RASA1: variants seen among roughly 807,000 people sequenced by gnomAD.
The protein encoded by RASA1 is ras GTPase-activating protein 1.
Under a neutral mutation model 132.2 loss-of-function variants are expected in RASA1, and 25 were observed. That is an observed-to-expected ratio of 0.19 (90% confidence interval 0.14 to 0.26). The LOEUF is 0.26. RASA1 is among the 10% of genes least tolerant of loss of function. The pLI, the probability that RASA1 is intolerant of heterozygous loss-of-function variation, is 1.00. For missense variants in RASA1, 964 were observed against 1,299.2 expected, an observed-to-expected ratio of 0.74 and a Z score of 3.97; for synonymous variants, 477 against 449.9, an observed-to-expected ratio of 1.06 and a Z score of -0.76.
Position 87,386,746 on chromosome 5 carries a change from GTAATTACTTTTGCACCAACCTAA to G in RASA1, c.2848-77_2848-55del. On this transcript the variant is annotated intron_variant, in intron 22 of 24. Transcript: ENST00000274376. ...GTAATTGCAGTTTTTGCTGTTAACTGTAATTACTTTTGCACCAACCTAATAGATCAAACAGTGGTTTGTTTCTG... is the reference window on the plus strand; with the variant it reads ...GTAATTGCAGTTTTTGCTGTTAACTGTAGATCAAACAGTGGTTTGTTTCTG... 5 of 1,263,440 alleles carry G rather than the reference GTAATTACTTTTGCACCAACCTAA, an allele frequency of 4.0e-6. No individual in the cohort carries two copies. In the South Asian group the frequency reaches 6.0e-5, roughly 15 times the overall value. The allele number at this position is 1,263,440 out of a possible 1,614,324, so 78.3% of individuals were successfully genotyped here.
intron 1 of RASA1, among the ~76,000 whole-genome samples, chr5:87,302,581 ATATACTATAGTATACTATACTG>A (rs1046716113): frequency 6.6e-6 from 1 of 150,898 alleles, no homozygotes; most frequent in African/African-American, 2.4e-5. Context: ...ATAGTATTCT[ATATACTATAGTATACTATACTG>A]TATAGTATAG....
At chr5:87,363,619 C>T (rs1025898664) in intron 11 of RASA1, 115 bp downstream of exon 11, 1 of 1,198,578 alleles carries the variant, frequency 8.3e-7, no homozygotes, top group South Asian at 1.3e-5. Context: ...AGCAGATGCA[C>T]TTTCTAGGTA....
At chr5:87,306,682 T>C (rs1755628881) in intron 1 of RASA1, among the ~76,000 whole-genome samples, 1 of 151,800 alleles carries the variant, frequency 6.6e-6, no homozygotes, top group Non-Finnish European at 1.5e-5. Flanking sequence ...AGATGTGGCC[T>C]TTTTTTTAAG....
intron 5 of RASA1, among the ~76,000 whole-genome samples, chr5:87,338,881 G>A (rs765943319): frequency 6.6e-6 from 1 of 151,602 alleles, no homozygotes; most frequent in Non-Finnish European, 1.5e-5. Context: ...TTTGAATCTC[G>A]TCCTTGTTTT....
chr5:87,342,303 C>T (rs941922531), intron 6 of RASA1, among the ~76,000 whole-genome samples: 3 of 151,754 alleles, frequency 2.0e-5, no homozygotes, highest in Admixed American at 6.6e-5. Context: ...GGACCACCGG[C>T]GCACAACACC....
At position 87,268,687 on chromosome 5, in the gene RASA1, G is replaced by A; in HGVS notation, c.236G>A (p.Gly79Glu). The change falls in exon 1 of 25, where the codon GGG (glycine) becomes GAG (glutamate). Residue 79 changes from glycine to glutamate, a missense_variant. Coordinates refer to ENST00000274376, the MANE Select transcript of RASA1 (RefSeq NM_002890.3). ...TTCCTAGGAGCCGGGTCTGTGGCAGGGGCACTGGGGGGAGCTGGACTGACA... is the reference window on the plus strand; with the variant it reads ...TTCCTAGGAGCCGGGTCTGTGGCAGAGGCACTGGGGGGAGCTGGACTGACA... ...SEFLGAGSVA[G>E]ALGGAGLTGG... 6.2e-7 allele frequency: 1 copy of A among 1,611,460 alleles called. No homozygotes were observed. Among genetic ancestry groups the A allele is most frequent in the South Asian group, 1.1e-5 (1 of 90,766 alleles).
intron 1 of RASA1, chr5:87,318,416 A>G (rs58974034): frequency 0.032 from 4,851 of 152,366 alleles, 163 homozygotes; most frequent in African/African-American, 0.074. Flanking sequence ...GAGACTGGGT[A>G]GTTTATAAAG....
chr5:87,331,586 T>TG, intron 2 of RASA1, 86 bp downstream of exon 2: 1 of 1,424,024 alleles, frequency 7.0e-7, no homozygotes. Context: ...TAAAGGTGAA[T>TG]GACTCAGTAA....
At chr5:87,297,327 T>C (rs1422813176) in intron 1 of RASA1, among the ~76,000 whole-genome samples, 4 of 152,226 alleles carry the variant, frequency 2.6e-5, no homozygotes, top group Admixed American at 2.0e-4. Context: ...TAATTTTTTA[T>C]TGAAAGGTAT....
chr5:87,352,988 C>T (rs1759385105), intron 8 of RASA1, among the ~76,000 whole-genome samples, 169 bp from the exon 9 acceptor site: 1 of 151,704 alleles, frequency 6.6e-6, no homozygotes, highest in Non-Finnish European at 1.5e-5. Context: ...ATTGTTTTTT[C>T]TAAAATAATA....
intron 1 of RASA1, among the ~76,000 whole-genome samples, chr5:87,329,583 A>C (rs1174046154): frequency 6.6e-6 from 1 of 152,214 alleles, no homozygotes; most frequent in African/African-American, 2.4e-5. Context: ...GGTAAGTTCA[A>C]AAGATGAAGG....
intron 1 of RASA1, among the ~76,000 whole-genome samples, chr5:87,277,400 A>G (rs982049365): frequency 1.4e-4 from 21 of 152,324 alleles, no homozygotes; most frequent in African/African-American, 4.8e-4. Context: ...TTAAGGTTAA[A>G]TGAGGTCATA....
intron 13 of RASA1, among the ~76,000 whole-genome samples, chr5:87,373,248 C>CAAAAATATTCA (rs141121710): frequency 0.032 from 4,883 of 151,610 alleles, 233 homozygotes; most frequent in African/African-American, 0.1. Context: ...AACCATGGGT[C>CAAAAATATTCA]GAAAAAATAC....
chr5:87,380,457 A>G, intron 19 of RASA1, 52 bp from the exon 20 acceptor site: 1 of 1,462,156 alleles, frequency 6.8e-7, no homozygotes, highest in Non-Finnish European at 9.6e-7. Flanking sequence ...CTGCTAGGAG[A>G]TCAGTGTTTT....
intron 23 of RASA1, among the ~76,000 whole-genome samples, chr5:87,388,863 C>T (rs1417613303): frequency 6.6e-6 from 1 of 152,144 alleles, no homozygotes; most frequent in Non-Finnish European, 1.5e-5. Context: ...AGTTAACCTA[C>T]ACTATTTGGC....
intron 1 of RASA1, among the ~76,000 whole-genome samples, chr5:87,314,749 A>G (rs1438779789): frequency 6.6e-6 from 1 of 152,190 alleles, no homozygotes; most frequent in East Asian, 1.9e-4. Context: ...TTAAAAAAAA[A>G]AAGTGTTGAG....
intron 1 of RASA1, among the ~76,000 whole-genome samples, chr5:87,330,407 A>G (rs186708087): frequency 2.6e-5 from 4 of 152,324 alleles, no homozygotes; most frequent in Non-Finnish European, 5.9e-5. Context: ...ATAATTGAAT[A>G]TATCAATGTA....
At chr5:87,388,133 T>G (rs1043073498) in intron 23 of RASA1, among the ~76,000 whole-genome samples, 1 of 152,208 alleles carries the variant, frequency 6.6e-6, no homozygotes, top group African/African-American at 2.4e-5. Flanking sequence ...TAATTCTGTG[T>G]TGCTATGATT....
rs372695942 is a variant in RASA1, at chr5:87,295,511, TTTTA to T, written c.539+26537_539+26540del. ...CAGTTATATATATATATTTATTTTA[TTTTA>T]TTTATTTATTTATTTTTTTGAGACA... On this transcript the variant is annotated intron_variant, in intron 1 of 24. Transcript: ENST00000274376. Among the ~76,000 whole-genome samples, 204 of 150,910 alleles carry T rather than the reference TTTTA, an allele frequency of 1.4e-3. 2 individuals carry two copies. In the East Asian group the frequency reaches 0.027, roughly 20 times the overall value.
Sources: allele counts gnomAD v4.1 joint callset (sites outside exome capture counted in the v4.1 genomes callset), GRCh38; gene constraint gnomAD v4.1.1; transcripts MANE v1.5; gene names NCBI Gene and HGNC (gene_info 2026-07-23, HGNC 2026-07-21).